PALS2: variants seen among roughly 807,000 people sequenced by gnomAD.
PALS2 encodes the protein protein associated with LIN7 2, MAGUK p55 family member.
A neutral mutation model predicts 61.6 loss-of-function variants in PALS2; 27 were observed. The observed-to-expected ratio is 0.44, with a 90% CI of 0.32 to 0.60. The LOEUF is 0.60. PALS2 is among the 20% of genes least tolerant of loss of function. The pLI is 0.05. For missense variants in PALS2, 554 were observed against 639.4 expected (o/e 0.87, Z 1.44); for synonymous variants, 236 against 218.6 (o/e 1.08, Z -0.70).
intron 1 of PALS2, among the ~76,000 whole-genome samples, chr7:24,605,029 AT>A (rs35035883): frequency 6.6e-6 from 1 of 152,174 alleles, no homozygotes; most frequent in Non-Finnish European, 1.5e-5. Context: ...CCTTTGGGCA[AT>A]TTTCAGCACC....
chr7:24,672,656 TTTTTA>T lies in PALS2; in HGVS notation c.1114+3999_1114+4003del, dbSNP rs1365594118. ...CATTTATTCCTGAGTATTTTTTTCT[TTTTTA>T]TTCTGTAGCAAAAAGTATTTTCTTA... On this transcript the variant is annotated intron_variant, in intron 9 of 11. Transcript: ENST00000222644. Among the ~76,000 whole-genome samples, 4 of 152,204 alleles carry T rather than the reference TTTTTA, an allele frequency of 2.6e-5. No homozygotes were observed. In the East Asian group the frequency reaches 7.7e-4, roughly 29 times the overall value.
rs713570 is a variant in PALS2 at position 24,679,435 on chromosome 7, G to T, written c.1317+102G>T. 6,918 of 1,149,540 alleles carry T rather than the reference G, an allele frequency of 6.0e-3. 336 individuals carry two copies. In the African/African-American group the frequency reaches 0.097, roughly 16 times the overall value. The allele number at this position is 1,149,540 out of a possible 1,614,324, so 71.2% of individuals were successfully genotyped here. A position where few individuals can be genotyped will look rare whatever the true frequency, so the allele number is the denominator to read the frequency against. On this transcript the variant is annotated intron_variant, in intron 10 of 11. Transcript: ENST00000222644. ...GGTTGGGGTTGTTTGTTTTGTCAGG[G>T]TGGAAAGGTGACTCCCTCCATTACC...
At chr7:24,653,958 G>A (rs1023368553) in intron 5 of PALS2, among the ~76,000 whole-genome samples, 2 of 152,164 alleles carry the variant, frequency 1.3e-5, no homozygotes, top group Non-Finnish European at 1.5e-5. Context: ...TGGGGAAGTG[G>A]TGATCTTGTT....
chr7:24,671,302 A>G (rs1180241978), intron 9 of PALS2, among the ~76,000 whole-genome samples: 1 of 152,172 alleles, frequency 6.6e-6, no homozygotes, highest in Non-Finnish European at 1.5e-5. Context: ...TTTCATGTAC[A>G]TATTTGCCAT....
intron 1 of PALS2, among the ~76,000 whole-genome samples, chr7:24,600,509 G>T (rs1783681841): frequency 6.6e-6 from 1 of 151,960 alleles, no homozygotes; most frequent in African/African-American, 2.4e-5. Flanking sequence ...TTGATTGTAG[G>T]TCAATAATTT....
In PALS2 at chr7:24,631,389, AATGTCATG is replaced by A. The variant is rs1191866653; in HGVS notation, c.117+7608_117+7615del. Reference sequence around the variant, plus strand: ...CCTGAAGATGTGACTACATTGCTGCAATGTCATGATAAAACTTGAACAGATAAGGAGTT... The same window carrying A: ...CCTGAAGATGTGACTACATTGCTGCAATAAAACTTGAACAGATAAGGAGTT... On this transcript the variant is annotated intron_variant, in intron 2 of 11. Transcript: ENST00000222644. 3.9e-5 allele frequency among the ~76,000 whole-genome samples: 6 copies of A among 152,324 alleles called. No homozygotes were observed. The East Asian group carries it at 1.2e-3, about 29-fold the overall frequency.
chr7:24,650,608 G>A lies in PALS2; in HGVS notation c.547G>A (p.Val183Ile), dbSNP rs1186117738. The change falls in exon 5 of 12, where the codon GTT (valine) becomes ATT (isoleucine). Residue 183 changes from valine to isoleucine, a missense_variant. Physicochemically the swap from Val to Ile is conservative, Grantham distance 29 (BLOSUM62 3). Coordinates refer to ENST00000222644, the MANE Select transcript of PALS2 (RefSeq NM_001303037.2). ...AATTAAAGAAGTCAATGGCCATGAG[G>A]TTGGAAATAATCCAAAGGAATTACA... ...DIIKEVNGHE[V>I]GNNPKELQEL... is the part of the protein sequence containing the mutation. The A allele has an allele frequency of 2.5e-6, 4 of 1,612,290 alleles. No homozygotes were observed. Among genetic ancestry groups the A allele is most frequent in the South Asian group, 1.1e-5 (1 of 90,988 alleles).
intron 1 of PALS2, among the ~76,000 whole-genome samples, chr7:24,592,378 A>C (rs1194210100): frequency 6.6e-6 from 1 of 152,076 alleles, no homozygotes; most frequent in East Asian, 1.9e-4. Flanking sequence ...GGTTGGAATA[A>C]AAGGGCCCCT....
chr7:24,578,036 T>G (rs1026076663), intron 1 of PALS2, among the ~76,000 whole-genome samples: 1 of 152,000 alleles, frequency 6.6e-6, no homozygotes, highest in African/African-American at 2.4e-5. Context: ...CTGGAACTCC[T>G]AGGCTCAAGT....
At chr7:24,599,686 G>A (rs1783647868) in intron 1 of PALS2, among the ~76,000 whole-genome samples, 1 of 151,294 alleles carries the variant, frequency 6.6e-6, no homozygotes, top group African/African-American at 2.4e-5. Context: ...TGTATTTTTA[G>A]TAGAGTCGAG....
chr7:24,631,991 C>G, intron 2 of PALS2, among the ~76,000 whole-genome samples: 1 of 152,170 alleles, frequency 6.6e-6, no homozygotes, highest in East Asian at 1.9e-4. Flanking sequence ...TTGTGGTTAT[C>G]TTGAGCAGAA....
intron 9 of PALS2, among the ~76,000 whole-genome samples, chr7:24,676,115 T>G (rs939881650): frequency 6.6e-6 from 1 of 151,390 alleles, no homozygotes; most frequent in African/African-American, 2.4e-5. Flanking sequence ...CTCATTGTGG[T>G]TTTGATTTGC....
intron 1 of PALS2, among the ~76,000 whole-genome samples, chr7:24,577,917 C>T (rs1052626202): frequency 1.4e-4 from 21 of 151,986 alleles, no homozygotes; most frequent in African/African-American, 1.2e-4. Context: ...ATATAAGCCC[C>T]GTGATATCAA....
At chr7:24,597,755 C>G (rs1783576311) in intron 1 of PALS2, among the ~76,000 whole-genome samples, 1 of 152,154 alleles carries the variant, frequency 6.6e-6, no homozygotes, top group African/African-American at 2.4e-5. Context: ...GTATTTGATT[C>G]TGCAAGTGAA....
At chr7:24,609,865 C>T (rs901381569) in intron 1 of PALS2, among the ~76,000 whole-genome samples, 2 of 152,094 alleles carry the variant, frequency 1.3e-5, no homozygotes, top group Admixed American at 1.3e-4. Context: ...CTCCACTGTG[C>T]CTGCACTTTG....
At chr7:24,672,774 T>C (rs1334255330) in intron 9 of PALS2, among the ~76,000 whole-genome samples, 1 of 152,220 alleles carries the variant, frequency 6.6e-6, no homozygotes, top group Non-Finnish European at 1.5e-5. Flanking sequence ...ATTGACCTCA[T>C]TGATTCTAAT....
rs912182959 is a variant in PALS2 at position 24,650,249 on chromosome 7, T to C, written c.424-236T>C. ...AGTCCATCAGAATGCACAAATACCT[T>C]TTCCTGCTCTCTCGAGTTTCCATTT... is the stretch of plus-strand genomic sequence containing the variant. On this transcript the variant is annotated intron_variant, in intron 4 of 11. Transcript: ENST00000222644. Among the ~76,000 whole-genome samples the C allele has an allele frequency of 3.3e-5, 5 of 152,142 alleles. No individual in the cohort carries two copies. The East Asian group carries it at 7.7e-4, about 23-fold the overall frequency.
intron 2 of PALS2, among the ~76,000 whole-genome samples, chr7:24,629,396 C>T (rs956393933): frequency 1.3e-5 from 2 of 152,074 alleles, no homozygotes; most frequent in Non-Finnish European, 2.9e-5. Flanking sequence ...TAGAAGAAAA[C>T]CTAGGCAGTA....
At position 24,672,451 on chromosome 7, in the gene PALS2, G is replaced by A. The variant is rs555840504; in HGVS notation, c.1114+3791G>A. Among the ~76,000 whole-genome samples the A allele has an allele frequency of 1.3e-3, 198 of 151,872 alleles. 1 individual carries two copies. Among genetic ancestry groups the A allele is most frequent in the African/African-American group, 4.1e-3 (169 of 41,442 alleles). ...TCACCATGTTGGCCAGGCTGGTTTC[G>A]AACTCCTGACCTCAGGTGATCTGCC... is the stretch of plus-strand genomic sequence containing the variant. On this transcript the variant is annotated intron_variant, in intron 9 of 11. Transcript: ENST00000222644.
Sources: allele counts gnomAD v4.1 joint callset (sites outside exome capture counted in the v4.1 genomes callset), GRCh38; gene constraint gnomAD v4.1.1; transcripts MANE v1.5; gene names NCBI Gene and HGNC (gene_info 2026-07-23, HGNC 2026-07-21).